CCDC112: variants seen among roughly 807,000 people sequenced by gnomAD.
CCDC112 encodes coiled-coil domain containing 112, also known as coiled-coil domain-containing protein 112.
A neutral mutation model predicts 66.3 loss-of-function variants in CCDC112; 40 were observed. That is an observed-to-expected ratio of 0.60 (90% CI 0.47 to 0.79). CCDC112 has a LOEUF of 0.79. Ranked by LOEUF, CCDC112 falls within the 30% of genes least tolerant of loss-of-function variation. The pLI, the probability that CCDC112 is intolerant of heterozygous loss-of-function variation, is 0.00. For missense variants in CCDC112, 659 were observed against 603.8 expected (o/e 1.09, Z -0.96); for synonymous variants, 214 against 197.2 (o/e 1.09, Z -0.71).
chr5:115,274,984 C>T (rs1749142243), intron 6 of CCDC112, among the ~76,000 whole-genome samples: 1 of 152,132 alleles, frequency 6.6e-6, no homozygotes, highest in African/African-American at 2.4e-5. Flanking sequence ...CTCAAGTGAT[C>T]CATCCGCCTT....
In CCDC112 at chr5:115,275,239, C is replaced by A. The variant is rs754812062; in HGVS notation, c.895G>T (p.Ala299Ser). Residue 299 changes from alanine (A) to serine (S), a missense_variant, in exon 6 of 10, where the codon GCT becomes TCT. Coordinates refer to ENST00000379611, the MANE Select transcript of CCDC112 (RefSeq NM_001040440.3). ...QHEKWYQKFL[A>S]LEERKKESIQ... ...ACCTCTTTTTTTCTTTCTTCTAGAG[C>A]CAGAAACTTTTGATACCATTTTTCA... 2.7e-5 allele frequency: 44 copies of A among 1,608,992 alleles called. No homozygotes were observed. The highest frequency in any genetic ancestry group is 1.7e-4 in the Middle Eastern group (1 of 6,044).
intron 1 of CCDC112, among the ~76,000 whole-genome samples, chr5:115,294,606 T>A (rs1376971896): frequency 6.6e-6 from 1 of 152,218 alleles, no homozygotes; most frequent in East Asian, 1.9e-4. Context: ...ACTTTAGATA[T>A]TTTGGTAGAC....
intron 1 of CCDC112, 165 bp downstream of exon 1, chr5:115,296,262 G>C: frequency 7.7e-7 from 1 of 1,303,588 alleles, no homozygotes; most frequent in Middle Eastern, 3.0e-4. Flanking sequence ...TGCAAAAGCT[G>C]TTAAACGCAC....
intron 1 of CCDC112, among the ~76,000 whole-genome samples, chr5:115,287,534 A>C (rs983501654): frequency 2.0e-5 from 3 of 152,134 alleles, no homozygotes; most frequent in African/African-American, 7.2e-5. Context: ...TTGAGGAAAG[A>C]GGTAGATTTC....
At chr5:115,293,281 T>C (rs1750013386) in intron 1 of CCDC112, among the ~76,000 whole-genome samples, 1 of 152,192 alleles carries the variant, frequency 6.6e-6, no homozygotes, top group African/African-American at 2.4e-5. Context: ...CTATACTCAG[T>C]AATAATGTAT....
In CCDC112 at chr5:115,284,824, C is replaced by T; in HGVS notation, c.202G>A (p.Ala68Thr). Residue 68 changes from alanine (A) to threonine (T), a missense_variant, in exon 2 of 10, where the codon GCA (alanine) becomes ACA (threonine). Physicochemically the swap from Ala to Thr is moderately conservative, Grantham distance 58 (BLOSUM62 0). Transcript: ENST00000379611. ...TTTTCTGCTGTGCGTACAAATTCTG[C>T]TTTCTTAGTCTGATTAACTTTCTGC... is the stretch of plus-strand genomic sequence containing the variant. Reference protein sequence around the residue: ...WKQKVNQTKKAEFVRTAEKFK... With the variant: ...WKQKVNQTKKTEFVRTAEKFK... 6.2e-7 allele frequency: 1 copy of T among 1,610,874 alleles called. No homozygotes were observed. Among genetic ancestry groups the T allele is most frequent in the South Asian group, 1.1e-5 (1 of 90,940 alleles).
Position 115,296,436 on chromosome 5 carries a change from C to G in CCDC112, c.108G>C (p.Ala36=), listed in dbSNP as rs780474132. 3.2e-5 allele frequency: 50 copies of G among 1,566,286 alleles called. No homozygotes were observed. The highest frequency in any genetic ancestry group is 4.3e-5 in the Non-Finnish European group (50 of 1,164,492). ...GTTCTCCCGGATTTACCTGTTGAGG[C>G]GCTGGCGTCGCTCCCACGCCGGTCC... ...ATGTGVGATP[A]PQQSDGCFST... Residue 36 remains alanine, a synonymous_variant, in exon 1 of 10, where the codon GCG becomes GCC. Coordinates refer to ENST00000379611, the MANE Select transcript of CCDC112 (RefSeq NM_001040440.3).
intron 7 of CCDC112, among the ~76,000 whole-genome samples, chr5:115,270,098 G>C (rs1748936502): frequency 6.6e-6 from 1 of 151,846 alleles, no homozygotes; most frequent in African/African-American, 2.4e-5. Flanking sequence ...TCTGATTTCA[G>C]ATCTCTCATT....
intron 2 of CCDC112, among the ~76,000 whole-genome samples, chr5:115,283,845 C>G (rs147714271): frequency 6.6e-6 from 1 of 151,996 alleles, no homozygotes; most frequent in African/African-American, 2.4e-5. Context: ...TTCAAAGCAA[C>G]GTTTTGATAA....
chr5:115,288,736 G>C (rs1173792252), intron 1 of CCDC112, among the ~76,000 whole-genome samples: 1 of 152,080 alleles, frequency 6.6e-6, no homozygotes, highest in Non-Finnish European at 1.5e-5. Context: ...GACAGTCAAA[G>C]CCTCCCATAA....
At chr5:115,277,159 AT>A in intron 3 of CCDC112, 105 bp from the exon 4 acceptor site, 1 of 637,700 alleles carries the variant, frequency 1.6e-6, no homozygotes, top group Non-Finnish European at 2.8e-6. Flanking sequence ...GCCAAGAGCA[AT>A]TAAATAAAGA....
intron 3 of CCDC112, among the ~76,000 whole-genome samples, chr5:115,277,747 T>C (rs528902915): frequency 6.6e-6 from 1 of 152,322 alleles, no homozygotes; most frequent in South Asian, 2.1e-4. Flanking sequence ...TAAAGGATTC[T>C]TCTTTCATAT....
chr5:115,288,429 C>T (rs1749779693), intron 1 of CCDC112, among the ~76,000 whole-genome samples: 2 of 152,174 alleles, frequency 1.3e-5, no homozygotes, highest in South Asian at 2.1e-4. Context: ...ACCATATACA[C>T]TACAAACTCT....
At chr5:115,296,040 A>G (rs1172241567) in intron 1 of CCDC112, 51 of 998,606 alleles carry the variant, frequency 5.1e-5, no homozygotes, top group Non-Finnish European at 5.8e-5. Flanking sequence ...CCAATTACTG[A>G]GCACAGAGTC....
At position 115,271,284 on chromosome 5, in the gene CCDC112, T is replaced by C; in HGVS notation, c.1261A>G (p.Ile421Val). 1 of 1,607,562 alleles carries C rather than the reference T, an allele frequency of 6.2e-7. No individual in the cohort carries two copies. Among genetic ancestry groups the C allele is most frequent in the Non-Finnish European group, 8.5e-7 (1 of 1,178,590 alleles). Residue 421 changes from isoleucine (I) to valine (V), a missense_variant, in exon 7 of 10, where the codon ATA (isoleucine) becomes GTA (valine). Ile to Val is a conservative substitution (Grantham distance 29). Transcript: ENST00000379611. Reference protein sequence around the residue: ...QEEFLRLEKEIREKAEKAEKR... With the variant: ...QEEFLRLEKEVREKAEKAEKR... ...TCTGCCTTTTCTGCCTTTTCCCTTA[T>C]CTCCTTTTCAAGCCTCAAAAATTCT...
chr5:115,281,506 C>T (rs1749456229), intron 2 of CCDC112, among the ~76,000 whole-genome samples: 1 of 152,040 alleles, frequency 6.6e-6, no homozygotes, highest in Admixed American at 6.6e-5. Flanking sequence ...GATTTCAGTC[C>T]CACCTGGCAA....
intron 1 of CCDC112, among the ~76,000 whole-genome samples, chr5:115,286,021 A>C (rs1197245685): frequency 6.6e-6 from 1 of 152,196 alleles, no homozygotes; most frequent in Non-Finnish European, 1.5e-5. Flanking sequence ...TTAAATCTAA[A>C]TCTAGGAAAT....
Position 115,296,572 on chromosome 5 carries a change from G to T in CCDC112, c.-29C>A, listed in dbSNP as rs986065527. Reference sequence around the variant, plus strand: ...TACCCGCCGAGCTACTCGGGCCGCGGCGGCCACCGGTGCCTGGGGATTCGT... The same window carrying T: ...TACCCGCCGAGCTACTCGGGCCGCGTCGGCCACCGGTGCCTGGGGATTCGT... On this transcript the variant is annotated 5_prime_UTR_variant, in exon 1 of 10. Transcript: ENST00000379611. The T allele has an allele frequency of 6.9e-7, 1 of 1,443,094 alleles. No homozygotes were observed. The allele number at this position is 1,443,094 out of a possible 1,614,324, so 89.4% of individuals were successfully genotyped here.
intron 3 of CCDC112, among the ~76,000 whole-genome samples, chr5:115,279,380 C>CG (rs1253838240): frequency 6.6e-6 from 1 of 152,056 alleles, no homozygotes; most frequent in Non-Finnish European, 1.5e-5. Flanking sequence ...AAAAAATCCC[C>CG]CAAATCCTCT....
Sources: allele counts gnomAD v4.1 joint callset (sites outside exome capture counted in the v4.1 genomes callset), GRCh38; gene constraint gnomAD v4.1.1; transcripts MANE v1.5; gene names NCBI Gene and HGNC (gene_info 2026-07-23, HGNC 2026-07-21).